Variants in CPNE8 observed in about 807,000 individuals in gnomAD.
CPNE8 encodes the protein copine-8.
Under a neutral mutation model 81.5 loss-of-function variants are expected in CPNE8, and 45 were observed. That is an observed-to-expected ratio of 0.55 (90% CI 0.44 to 0.71). CPNE8 has a LOEUF of 0.71. CPNE8 is among the 30% of genes least tolerant of loss of function. The probability of loss-of-function intolerance (pLI) is 0.00; values close to 1 mark genes in which losing one functional copy is unlikely to be tolerated. For synonymous variants in CPNE8, 252 were observed against 226.3 expected (o/e 1.11, Z -1.02); for missense variants, 594 against 672.1 (o/e 0.88, Z 1.28).
chr12:38,659,860 C>T (rs979561421), intron 19 of CPNE8, among the ~76,000 whole-genome samples: 1 of 152,152 alleles, frequency 6.6e-6, no homozygotes, highest in African/African-American at 2.4e-5. Flanking sequence ...AACTCCCATT[C>T]ACAACTGCTA....
At position 38,652,406 on chromosome 12, in the gene CPNE8, A is replaced by G. The variant is rs1938719738; in HGVS notation, c.*1476T>C. 1 of 152,616 alleles carries G rather than the reference A, an allele frequency of 6.6e-6. No individual in the cohort carries two copies. Among genetic ancestry groups the G allele is most frequent in the Non-Finnish European group, 1.5e-5 (1 of 68,010 alleles). 9.5% of individuals were successfully genotyped at this position (152,616 alleles called of 1,614,324 possible). A position where few individuals can be genotyped will look rare whatever the true frequency, so the allele number is the denominator to read the frequency against. ...ATAATTAAAAATCAACAATTATTAC[A>G]TAGTTATATAACATTGATACTGTTA... On this transcript the variant is annotated 3_prime_UTR_variant, in exon 20 of 20. Transcript: ENST00000331366.
intron 3 of CPNE8, among the ~76,000 whole-genome samples, chr12:38,860,159 T>A (rs1350300926): frequency 6.6e-6 from 1 of 151,750 alleles, no homozygotes; most frequent in Non-Finnish European, 1.5e-5. Context: ...TGATGAGGGA[T>A]TAACAACCAA....
chr12:38,711,585 C>T (rs1350091003), intron 13 of CPNE8, among the ~76,000 whole-genome samples: 1 of 152,028 alleles, frequency 6.6e-6, no homozygotes, highest in Non-Finnish European at 1.5e-5. Flanking sequence ...TCTCCTGCCT[C>T]AGCCTCCCAA....
chr12:38,845,757 A>G (rs1187488881), intron 4 of CPNE8, among the ~76,000 whole-genome samples: 1 of 152,150 alleles, frequency 6.6e-6, no homozygotes, highest in East Asian at 1.9e-4. Flanking sequence ...AAAAAATGGA[A>G]AATCAAAAGG....
chr12:38,748,660 C>T (rs1422474486), intron 10 of CPNE8, among the ~76,000 whole-genome samples: 2 of 150,932 alleles, frequency 1.3e-5, no homozygotes, highest in South Asian at 2.1e-4. Flanking sequence ...GCCACCACGC[C>T]CGGCTAATTT....
In CPNE8 at chr12:38,785,232, C is replaced by A. The variant is rs185041019; in HGVS notation, c.408-8931G>T. 9.5e-3 allele frequency among the ~76,000 whole-genome samples: 1,420 copies of A among 150,112 alleles called. 20 individuals are homozygous for A. The highest frequency in any genetic ancestry group is 0.041 in the South Asian group (193 of 4,744). ...GACCCATTAAGGAGCAATAAGAAAT[C>A]ATCTGAAGGTACAAAACTCACTGAC... On this transcript the variant is annotated intron_variant, in intron 6 of 19. Coordinates refer to ENST00000331366, the MANE Select transcript of CPNE8 (RefSeq NM_153634.3).
chr12:38,819,610 A>G (rs1246460464), intron 6 of CPNE8, among the ~76,000 whole-genome samples: 11 of 151,858 alleles, frequency 7.2e-5, no homozygotes, highest in Admixed American at 7.2e-4. Context: ...TACTAAAAAT[A>G]CAAAAAATTA....
intron 13 of CPNE8, among the ~76,000 whole-genome samples, chr12:38,709,215 C>T: frequency 6.6e-6 from 1 of 152,194 alleles, no homozygotes. Context: ...TGTCATCCAA[C>T]CTAACCCTTC....
At chr12:38,860,105 G>C (rs1943807178) in intron 3 of CPNE8, among the ~76,000 whole-genome samples, 1 of 152,028 alleles carries the variant, frequency 6.6e-6, no homozygotes, top group African/African-American at 2.4e-5. Flanking sequence ...GGAAAGCAGA[G>C]TCAAAAGGCA....
chr12:38,848,679 A>G lies in CPNE8; in HGVS notation c.187-17T>C. 1 of 1,575,244 alleles carries G rather than the reference A, an allele frequency of 6.3e-7. No homozygotes were observed. Among genetic ancestry groups the G allele is most frequent in the Non-Finnish European group, 8.6e-7 (1 of 1,166,478 alleles). ...TCTTCCAAACTGTGGAAAGAGAGAG[A>G]GAATTTAAAATTAAACCTTGTACGG... On this transcript the variant is annotated splice_polypyrimidine_tract_variant and intron_variant, in intron 3 of 19. Coordinates refer to ENST00000331366, the MANE Select transcript of CPNE8 (RefSeq NM_153634.3).
At chr12:38,754,822 G>T (rs1454765703) in intron 10 of CPNE8, among the ~76,000 whole-genome samples, 1 of 152,108 alleles carries the variant, frequency 6.6e-6, no homozygotes. Context: ...TCTGAAAGAA[G>T]TGATACGTAA....
At chr12:38,707,578 A>T (rs1940140771) in intron 13 of CPNE8, among the ~76,000 whole-genome samples, 1 of 152,148 alleles carries the variant, frequency 6.6e-6, no homozygotes, top group African/African-American at 2.4e-5. Flanking sequence ...TTCATTTAGC[A>T]CTAAATGATA....
At chr12:38,876,413 A>C (rs977739585) in intron 1 of CPNE8, among the ~76,000 whole-genome samples, 1 of 152,002 alleles carries the variant, frequency 6.6e-6, no homozygotes, top group African/African-American at 2.4e-5. Flanking sequence ...GGGTTTCTCC[A>C]TGTTGGTCAG....
chr12:38,740,924 T>G (rs2136792811), intron 10 of CPNE8, among the ~76,000 whole-genome samples: 1 of 152,246 alleles, frequency 6.6e-6, no homozygotes, highest in East Asian at 1.9e-4. Context: ...TAGGGAGGAT[T>G]TCCTCTTTTT....
intron 4 of CPNE8, among the ~76,000 whole-genome samples, chr12:38,845,200 C>G (rs763816158): frequency 6.6e-6 from 1 of 152,136 alleles, no homozygotes; most frequent in Non-Finnish European, 1.5e-5. Flanking sequence ...TCACCAGCTT[C>G]TGTAAGACAC....
chr12:38,780,600 C>G (rs1021531483), intron 6 of CPNE8, among the ~76,000 whole-genome samples: 1 of 151,802 alleles, frequency 6.6e-6, no homozygotes, highest in African/African-American at 2.4e-5. Flanking sequence ...AGGAACCAGA[C>G]AGAAAAGACA....
intron 6 of CPNE8, among the ~76,000 whole-genome samples, chr12:38,828,453 ATTC>A (rs1285994565): frequency 6.6e-6 from 1 of 152,200 alleles, no homozygotes; most frequent in African/African-American, 2.4e-5. Flanking sequence ...AATTTATAGA[ATTC>A]TTATTAGCCT....
In CPNE8 at chr12:38,807,062, T is replaced by C. The variant is rs1315386063; in HGVS notation, c.407+22317A>G. Among the ~76,000 whole-genome samples, 4 of 152,000 alleles carry C rather than the reference T, an allele frequency of 2.6e-5. No individual in the cohort carries two copies. The East Asian group carries it at 5.8e-4, about 22-fold the overall frequency. ...CTTACAAGGGATGTGAAGGACCTCTTCCAGGAGAACTACAAACCACTGCTT... is the reference window on the plus strand; with the variant it reads ...CTTACAAGGGATGTGAAGGACCTCTCCCAGGAGAACTACAAACCACTGCTT... On this transcript the variant is annotated intron_variant, in intron 6 of 19. Transcript: ENST00000331366.
intron 1 of CPNE8, 132 bp downstream of exon 1, chr12:38,905,305 C>T: frequency 2.9e-6 from 3 of 1,026,968 alleles, no homozygotes; most frequent in Non-Finnish European, 4.3e-6. Flanking sequence ...TCCAGCCCCA[C>T]TACTGAGATA....
Sources: gnomAD v4.1 joint callset for allele counts (sites outside exome capture counted in the v4.1 genomes callset) on GRCh38, gnomAD v4.1.1 for gene constraint, MANE v1.5 for transcripts, NCBI Gene and HGNC (gene_info 2026-07-23, HGNC 2026-07-21) for gene names.